The following IGFL4 variants were observed in gnomAD, a reference collection of about 807,000 sequenced individuals.
IGFL4 encodes insulin growth factor-like family member 4.
IGFL4 carries 12 observed loss-of-function variants against 15.4 expected under a neutral mutation model. That is an observed-to-expected ratio of 0.78 (90% CI 0.50 to 1.26). IGFL4 has a LOEUF of 1.26. Ranked by LOEUF, IGFL4 falls within the 50% of genes most tolerant of loss-of-function variation. IGFL4 has a pLI of 0.00. For missense variants in IGFL4, 126 were observed against 147.8 expected (o/e 0.85, Z 0.76); for synonymous variants, 54 against 55.9 (o/e 0.97, Z 0.16).
At chr19:46,065,194 TTTTTC>T (rs752662774) in intron 1 of IGFL4, among the ~76,000 whole-genome samples, 9 of 150,288 alleles carry the variant, frequency 6.0e-5, no homozygotes, top group African/African-American at 2.0e-4. Context: ...TGGTTACTAA[TTTTTC>T]TTTTCTTTTC....
At chr19:46,070,849 T>C (rs1969539009) in intron 1 of IGFL4, among the ~76,000 whole-genome samples, 1 of 152,174 alleles carries the variant, frequency 6.6e-6, no homozygotes. Flanking sequence ...ATTTTGGGTG[T>C]GTGCAAAGTG....
chr19:46,070,995 C>T (rs1969540436), intron 1 of IGFL4, among the ~76,000 whole-genome samples: 1 of 152,058 alleles, frequency 6.6e-6, no homozygotes, highest in African/African-American at 2.4e-5. Flanking sequence ...CGATATTTGC[C>T]CAGTGGAGTA....
chr19:46,072,399 C>G (rs1227218901), intron 1 of IGFL4, among the ~76,000 whole-genome samples: 3 of 152,178 alleles, frequency 2.0e-5, no homozygotes. Flanking sequence ...ACCAAAGTTC[C>G]TGGATGAAGA....
intron 2 of IGFL4, among the ~76,000 whole-genome samples, chr19:46,051,616 G>A (rs1969345948): frequency 6.6e-6 from 1 of 152,062 alleles, no homozygotes; most frequent in African/African-American, 2.4e-5. Context: ...TGAGATGTGA[G>A]AATAGTACCT....
intron 1 of IGFL4, among the ~76,000 whole-genome samples, chr19:46,067,120 C>T (rs1382524378): frequency 6.6e-6 from 1 of 152,112 alleles, no homozygotes; most frequent in African/African-American, 2.4e-5. Context: ...GATCCTCTGA[C>T]ACTCTCCCAT....
intron 1 of IGFL4, among the ~76,000 whole-genome samples, chr19:46,075,042 G>C (rs1969582148): frequency 6.6e-6 from 1 of 151,176 alleles, no homozygotes. Flanking sequence ...AGAATTTGTG[G>C]CTATCTTAAA....
intron 1 of IGFL4, among the ~76,000 whole-genome samples, chr19:46,074,094 GA>G (rs1969572010): frequency 1.3e-5 from 2 of 152,128 alleles, no homozygotes; most frequent in African/African-American, 4.8e-5. Context: ...TTTGCTTCCA[GA>G]ATGGCTCATT....
At position 46,074,274 on chromosome 19, in the gene IGFL4, G is replaced by GAT. The variant is rs544426281; in HGVS notation, c.-432+2744_-432+2745dup. 4.8e-4 allele frequency among the ~76,000 whole-genome samples: 72 copies of GAT among 150,262 alleles called. 1 individual carries two copies. In the South Asian group the frequency reaches 6.7e-3, roughly 14 times the overall value. ...GTCTAGAGGGACAGAACGAGCAGGA[G>GAT]ATATATATATACATATATATATATA... is the stretch of plus-strand genomic sequence containing the variant. On this transcript the variant is annotated intron_variant, in intron 1 of 5. Coordinates refer to the IGFL4 transcript ENST00000601672.
intron 1 of IGFL4, among the ~76,000 whole-genome samples, chr19:46,074,646 G>C (rs1969578137): frequency 6.6e-6 from 1 of 151,608 alleles, no homozygotes. Flanking sequence ...CTGGGAGGCT[G>C]AGACAGTCTA....
chr19:46,069,168 T>G (rs576519417), intron 1 of IGFL4, among the ~76,000 whole-genome samples: 1 of 152,206 alleles, frequency 6.6e-6, no homozygotes, highest in African/African-American at 2.4e-5. Context: ...GACTTTGTTC[T>G]AGAGCCCACC....
At chr19:46,066,924 T>C (rs1969500615) in intron 1 of IGFL4, among the ~76,000 whole-genome samples, 1 of 152,190 alleles carries the variant, frequency 6.6e-6, no homozygotes, top group Admixed American at 6.5e-5. Flanking sequence ...ATGAATTATG[T>C]TCACCCAATC....
At chr19:46,041,276 G>C (rs985078302), upstream of IGFL4, among the ~76,000 whole-genome samples, 2 of 152,140 alleles carry the variant, frequency 1.3e-5, no homozygotes, top group Admixed American at 6.5e-5. Flanking sequence ...CACCGCCCAA[G>C]GGAAAACCAC....
rs1969210632 is a variant in IGFL4 at position 46,039,252 on chromosome 19, T to A, written c.*640A>T. On this transcript the variant is annotated 3_prime_UTR_variant, in exon 4 of 4. Transcript: ENST00000377697. Reference sequence around the variant, plus strand: ...CTCTGTTCTGTTCCATTGATCTATATCTCTGTTTTGGTACCAGTACCATGC... The same window carrying A: ...CTCTGTTCTGTTCCATTGATCTATAACTCTGTTTTGGTACCAGTACCATGC... Among the ~76,000 whole-genome samples the A allele has an allele frequency of 6.2e-5, 8 of 130,018 alleles. No individual in the cohort carries two copies. The highest frequency in any genetic ancestry group is 1.8e-4 in the African/African-American group (6 of 33,310). The allele number at this position is 130,018 out of a possible 152,430, so 85.3% of individuals were successfully genotyped here.
intron 2 of IGFL4, among the ~76,000 whole-genome samples, chr19:46,052,747 C>A (rs941696204): frequency 5.3e-5 from 8 of 151,570 alleles, no homozygotes; most frequent in Middle Eastern, 3.4e-3. Flanking sequence ...ATATTAATCC[C>A]AGCCTAAAAA....
intron 1 of IGFL4, among the ~76,000 whole-genome samples, chr19:46,076,317 C>A (rs993123563): frequency 6.6e-6 from 1 of 152,236 alleles, no homozygotes; most frequent in Admixed American, 6.5e-5. Context: ...CCACCGAATT[C>A]ATTTCTTGCT....
intron 1 of IGFL4, among the ~76,000 whole-genome samples, chr19:46,062,039 T>G (rs928327674): frequency 1.9e-4 from 29 of 152,222 alleles, no homozygotes; most frequent in African/African-American, 6.8e-4. Context: ...TAGGGTTTCA[T>G]GAGGAAAACA....
At chr19:46,042,635 CTT>C (rs1019330097), upstream of IGFL4, among the ~76,000 whole-genome samples, 1 of 152,338 alleles carries the variant, frequency 6.6e-6, no homozygotes, top group African/African-American at 2.4e-5. Context: ...GATTCAGACA[CTT>C]TATTACTTAC....
rs1969231542 is a variant in IGFL4 at position 46,040,562 on chromosome 19, A to G, written c.26T>C (p.Ile9Thr). 4.3e-6 allele frequency: 7 copies of G among 1,613,894 alleles called. No individual in the cohort carries two copies. In the South Asian group the frequency reaches 7.7e-5, roughly 18 times the overall value. MVPRISAA[I>T]FIFELLGSNS... ...TGAACCCAAAAGTTCAAAAATGAAGATGGCAGCTGAGAAGCAGAAGGAGAG... is the reference window on the plus strand; with the variant it reads ...TGAACCCAAAAGTTCAAAAATGAAGGTGGCAGCTGAGAAGCAGAAGGAGAG... The change falls in exon 2 of 4, where the codon ATC becomes ACC. Residue 9 changes from isoleucine (I) to threonine (T), a missense_variant. Coordinates refer to ENST00000377697, the MANE Select transcript of IGFL4 (RefSeq NM_001002923.3). This position sits in a 1 kb window ranked among gnomAD's most constrained non-coding sequence, Gnocchi z 4.1.
chr19:46,046,415 C>T (rs1269971392), intron 2 of IGFL4, among the ~76,000 whole-genome samples: 1 of 152,104 alleles, frequency 6.6e-6, no homozygotes, highest in Admixed American at 6.5e-5. Context: ...ACAATACTAA[C>T]CTTAAATGTA....
Sources: gnomAD v4.1 joint callset for allele counts (sites outside exome capture counted in the v4.1 genomes callset) on GRCh38, gnomAD v4.1.1 for gene constraint, Gnocchi (gnomAD v3.1) non-coding constraint, MANE v1.5 for transcripts, NCBI Gene and HGNC (gene_info 2026-07-23, HGNC 2026-07-21) for gene names.